ANKRD28: variants seen among roughly 807,000 people sequenced by gnomAD.
ANKRD28 encodes the protein ankyrin repeat domain 28, also known as serine/threonine-protein phosphatase 6 regulatory ankyrin repeat subunit A.
A neutral mutation model predicts 126.5 loss-of-function variants in ANKRD28; 44 were observed. The ratio of observed to expected loss-of-function variants is 0.35; its 90% CI spans 0.27 to 0.45. The LOEUF (loss-of-function observed/expected upper bound fraction) is 0.45. Ranked by LOEUF, ANKRD28 falls within the 20% of genes least tolerant of loss-of-function variation. The probability of loss-of-function intolerance (pLI) is 1.00; values close to 1 mark genes in which losing one functional copy is unlikely to be tolerated. For synonymous variants in ANKRD28, 442 were observed against 468.5 expected, an observed-to-expected ratio of 0.94 and a Z score of 0.73; for missense variants, 1,110 against 1,316.6, an observed-to-expected ratio of 0.84 and a Z score of 2.43.
rs1254568160 is a variant in ANKRD28 at position 15,814,309 on chromosome 3, C to T, written c.28-19003G>A. The T allele has an allele frequency of 7.8e-7, 1 of 1,273,934 alleles. No homozygotes were observed. Among genetic ancestry groups the T allele is most frequent in the East Asian group, 5.8e-5 (1 of 17,318 alleles). The allele number at this position is 1,273,934 out of a possible 1,614,324, so 78.9% of individuals were successfully genotyped here. A position where few individuals can be genotyped will look rare whatever the true frequency, so the allele number is the denominator to read the frequency against. The stretch of plus-strand genomic sequence containing the variant: ...GTACTGTTTCAATTCCAATCACAGG[C>T]CTGTAGCAGAAAACAGATATCAAAA... On this transcript the variant is annotated intron_variant, in intron 1 of 27. Transcript: ENST00000399451. The surrounding 1 kb of genome is among the most constrained non-coding windows in gnomAD (Gnocchi z 4.7).
intron 1 of ANKRD28, among the ~76,000 whole-genome samples, chr3:15,831,546 CAG>C (rs922111260): frequency 6.6e-6 from 1 of 152,162 alleles, no homozygotes; most frequent in African/African-American, 2.4e-5. Context: ...AAAATGTCTC[CAG>C]ACACTGTCAA....
In ANKRD28 at chr3:15,676,916, T is replaced by C. The variant is rs1180856500; in HGVS notation, c.2873+58A>G. 9.9e-6 allele frequency: 14 copies of C among 1,415,920 alleles called. No homozygotes were observed. The African/African-American group carries it at 1.9e-4, about 19-fold the overall frequency. The allele number at this position is 1,415,920 out of a possible 1,614,324, so 87.7% of individuals were successfully genotyped here. ...ATAGTCACATGTTTAAAAAAATCCATTTATCATTTTTATAATTATAGGTCA... is the reference window on the plus strand; with the variant it reads ...ATAGTCACATGTTTAAAAAAATCCACTTATCATTTTTATAATTATAGGTCA... On this transcript the variant is annotated intron_variant, in intron 26 of 27. Transcript: ENST00000683139.
chr3:15,673,767 A>C (rs1044498769), intron 27 of ANKRD28, among the ~76,000 whole-genome samples: 2 of 152,208 alleles, frequency 1.3e-5, no homozygotes, highest in African/African-American at 2.4e-5. Flanking sequence ...AATGAAGATC[A>C]CAATGCATGT....
At position 15,708,695 on chromosome 3, in the gene ANKRD28, T is replaced by C. The variant is rs544959905; in HGVS notation, c.1407-631A>G. ...AAAGCCAAAGTGATTTTTTTATTTT[T>C]GTGGGTCATTAGTTCTTTCCATTAA... On this transcript the variant is annotated intron_variant, in intron 13 of 27. Transcript: ENST00000683139. Among the ~76,000 whole-genome samples the C allele has an allele frequency of 5.3e-5, 8 of 152,336 alleles. No homozygotes were observed. In the South Asian group the frequency reaches 1.7e-3, roughly 32 times the overall value.
intron 1 of ANKRD28, among the ~76,000 whole-genome samples, chr3:15,844,110 A>G (rs1341872963): frequency 6.6e-6 from 1 of 152,216 alleles, no homozygotes; most frequent in African/African-American, 2.4e-5. Context: ...ATAGCCCAGA[A>G]TAATGCAGGC....
rs1559568914 is a variant in ANKRD28 at position 15,816,533 on chromosome 3, T to C, written c.28-21227A>G. 6.6e-6 allele frequency among the ~76,000 whole-genome samples: 1 copy of C among 152,218 alleles called. No homozygotes were observed. Among genetic ancestry groups the C allele is most frequent in the Non-Finnish European group, 1.5e-5 (1 of 68,048 alleles). ...CACAGAAATATTCAAGTAAGAAAGT[T>C]TTATTTTTCCTGCTATGACTATGAC... On this transcript the variant is annotated intron_variant, in intron 1 of 27. Coordinates refer to the ANKRD28 transcript ENST00000399451. This position sits in a 1 kb window ranked among gnomAD's most constrained non-coding sequence, Gnocchi z 5.0.
At chr3:15,742,625 G>T in intron 4 of ANKRD28, among the ~76,000 whole-genome samples, 1 of 85,560 alleles carries the variant, frequency 1.2e-5, no homozygotes, top group Non-Finnish European at 2.3e-5. Context: ...CCCCCTGCCA[G>T]GCCAGCCGCC....
At chr3:15,717,331 C>T (rs1255814032) in intron 8 of ANKRD28, among the ~76,000 whole-genome samples, 3 of 152,056 alleles carry the variant, frequency 2.0e-5, no homozygotes, top group East Asian at 1.9e-4. Flanking sequence ...TTTTTACTTT[C>T]TACATACTGA....
At chr3:15,780,455 T>C (rs1435636766) in intron 2 of ANKRD28, among the ~76,000 whole-genome samples, 2 of 152,104 alleles carry the variant, frequency 1.3e-5, no homozygotes, top group Admixed American at 6.6e-5. Context: ...ACTGTGTTCA[T>C]GAACTAAAAA....
Position 15,812,441 on chromosome 3 carries a change from A to T in ANKRD28, c.28-17135T>A, listed in dbSNP as rs773786450. Among the ~76,000 whole-genome samples the T allele has an allele frequency of 5.4e-4, 83 of 152,344 alleles. 1 individual carries two copies. The highest frequency in any genetic ancestry group is 1.1e-3 in the Non-Finnish European group (73 of 68,028). On this transcript the variant is annotated intron_variant, in intron 1 of 27. Transcript: ENST00000399451. The surrounding 1 kb of genome is among the most constrained non-coding windows in gnomAD (Gnocchi z 4.1). Reference sequence around the variant, plus strand: ...ACAATTTATACAGTTATTAAAAGCAAAATTAGCTAAATGATTTGTGACTCT... The same window carrying T: ...ACAATTTATACAGTTATTAAAAGCATAATTAGCTAAATGATTTGTGACTCT...
At chr3:15,704,290 T>C (rs562825435) in intron 14 of ANKRD28, among the ~76,000 whole-genome samples, 5 of 152,132 alleles carry the variant, frequency 3.3e-5, no homozygotes, top group African/African-American at 1.2e-4. Flanking sequence ...GCAGAATGAC[T>C]AGAATGAGTC....
intron 1 of ANKRD28, among the ~76,000 whole-genome samples, chr3:15,851,414 TG>T (rs1293205870): frequency 6.6e-6 from 1 of 151,976 alleles, no homozygotes; most frequent in African/African-American, 2.4e-5. Flanking sequence ...AATAGTGGCA[TG>T]TACCTGTACT....
chr3:15,727,564 C>CCAAA (rs2074261964), intron 6 of ANKRD28, among the ~76,000 whole-genome samples: 1 of 65,970 alleles, frequency 1.5e-5, no homozygotes, highest in Admixed American at 2.0e-4. Flanking sequence ...GAAACTCTGT[C>CCAAA]AAAAAAAAAA....
intron 3 of ANKRD28, among the ~76,000 whole-genome samples, 175 bp downstream of exon 3, chr3:15,766,059 G>A (rs1487462271): frequency 6.6e-6 from 1 of 151,906 alleles, no homozygotes; most frequent in Non-Finnish European, 1.5e-5. Flanking sequence ...TGTACTCTAA[G>A]CACCCAGAAA....
At chr3:15,789,987 C>A (rs529382706) in intron 2 of ANKRD28, among the ~76,000 whole-genome samples, 4 of 152,066 alleles carry the variant, frequency 2.6e-5, no homozygotes, top group Non-Finnish European at 5.9e-5. Flanking sequence ...TGCAGAAATC[C>A]AAAGGCTTGT....
Position 15,766,228 on chromosome 3 carries a change from C to T in ANKRD28, c.280+6G>A, listed in dbSNP as rs1228073826. On this transcript the variant is annotated splice_donor_region_variant and intron_variant, in intron 3 of 27. Coordinates refer to ENST00000683139, the MANE Select transcript of ANKRD28 (RefSeq NM_001349278.2). ...ATGTGTTCTTATTACTCAGAGGTTA[C>T]CATACCAGATAAAATAAGAAGTTCA... 2 of 1,606,296 alleles carry T rather than the reference C, an allele frequency of 1.2e-6. No homozygotes were observed. Among genetic ancestry groups the T allele is most frequent in the Non-Finnish European group, 1.7e-6 (2 of 1,174,530 alleles).
intron 18 of ANKRD28, among the ~76,000 whole-genome samples, chr3:15,688,504 T>C (rs772488631): frequency 1.2e-4 from 18 of 152,214 alleles, no homozygotes; most frequent in Admixed American, 9.8e-4. Context: ...GTTCAAACCA[T>C]ATAGTAGTGT....
intron 14 of ANKRD28, among the ~76,000 whole-genome samples, chr3:15,705,448 A>G (rs1049722015): frequency 6.6e-6 from 1 of 152,174 alleles, no homozygotes; most frequent in African/African-American, 2.4e-5. Context: ...GATCATGCTG[A>G]GCTGTACCCA....
At chr3:15,700,828 GA>G (rs1049782485) in intron 14 of ANKRD28, among the ~76,000 whole-genome samples, 3 of 150,184 alleles carry the variant, frequency 2.0e-5, no homozygotes, top group Admixed American at 2.0e-4. Flanking sequence ...TATTACAGCA[GA>G]AAAAAAAAGC....
Sources: allele counts gnomAD v4.1 joint callset (sites outside exome capture counted in the v4.1 genomes callset), GRCh38; gene constraint gnomAD v4.1.1; non-coding constraint Gnocchi (gnomAD v3.1); transcripts MANE v1.5; gene names NCBI Gene and HGNC (gene_info 2026-07-23, HGNC 2026-07-21).